The following GATA4 variants were observed in gnomAD, a reference collection of about 807,000 sequenced individuals.
GATA4 encodes transcription factor GATA-4.
In GATA4, 7 loss-of-function variants were observed where a neutral mutation model predicts 37.9. That is an observed-to-expected ratio of 0.18 (90% CI 0.11 to 0.35). GATA4 has a LOEUF of 0.35. Among genes scored for constraint, GATA4 ranks in the 10% least tolerant of loss-of-function variants. The probability of loss-of-function intolerance (pLI) is 1.00; values close to 1 mark genes in which losing one functional copy is unlikely to be tolerated. For missense variants in GATA4, 647 were observed against 653.0 expected, an observed-to-expected ratio of 0.99 and a Z score of 0.10; for synonymous variants, 372 against 292.6, an observed-to-expected ratio of 1.27 and a Z score of -2.77.
chr8:11,757,491 G>A (rs1253089220), intron 6 of GATA4, among the ~76,000 whole-genome samples: 4 of 152,244 alleles, frequency 2.6e-5, no homozygotes, highest in African/African-American at 9.6e-5. Context: ...GCGTGGTTGC[G>A]CTGTCGGAGG....
In GATA4 at chr8:11,708,632, G is replaced by A; in HGVS notation, c.320G>A (p.Arg107His). 1 of 1,338,500 alleles carries A rather than the reference G, an allele frequency of 7.5e-7. No individual in the cohort carries two copies. 82.9% of individuals were successfully genotyped at this position (1,338,500 alleles called of 1,614,324 possible). A position where few individuals can be genotyped will look rare whatever the true frequency, so the allele number is the denominator to read the frequency against. The change falls in exon 2 of 7, where the codon CGC (arginine) becomes CAC (histidine). Residue 107 changes from arginine to histidine, a missense_variant. Arg to His is a conservative substitution (Grantham distance 29, BLOSUM62 0). Transcript: ENST00000532059. This position sits in a 1 kb window ranked among gnomAD's most constrained non-coding sequence, Gnocchi z 6.7. ...TACACCCCGCCGCCGGTGTCGCCGC[G>A]CTTCTCCTTCCCGGGGACCACCGGG... ...AAYTPPPVSP[R>H]FSFPGTTGSL...
At chr8:11,730,003 G>T (rs1417760278) in intron 2 of GATA4, among the ~76,000 whole-genome samples, 1 of 152,082 alleles carries the variant, frequency 6.6e-6, no homozygotes, top group African/African-American at 2.4e-5. Context: ...ATGGCTCACT[G>T]CAGTCTTTAC....
At position 11,709,584 on chromosome 8, in the gene GATA4, G is replaced by GAGGGGGGA. The variant is rs1041409520; in HGVS notation, c.616+656_616+657insAGGGGGGA. Among the ~76,000 whole-genome samples the GAGGGGGGA allele has an allele frequency of 6.6e-6, 1 of 151,862 alleles. No homozygotes were observed. Among genetic ancestry groups the GAGGGGGGA allele is most frequent in the African/African-American group, 2.4e-5 (1 of 41,378 alleles). ...CGCATCATGCGGGCAGCGGGGGGGG[G>GAGGGGGGA]GGCGCACACGCCCGGTCAGTGTCCG... On this transcript the variant is annotated intron_variant, in intron 2 of 6. Transcript: ENST00000532059. The surrounding 1 kb of genome is among the most constrained non-coding windows in gnomAD (Gnocchi z 4.3).
At chr8:11,681,473 G>A (rs1018163054) in intron 1 of GATA4, 1 of 941,106 alleles carries the variant, frequency 1.1e-6, no homozygotes, top group Non-Finnish European at 1.2e-6. Context: ...CCCGGTCCCC[G>A]CGCGGGGTGC....
intron 5 of GATA4, 74 bp downstream of exon 5, chr8:11,755,207 G>A (rs956812431): frequency 4.6e-5 from 59 of 1,285,936 alleles, no homozygotes; most frequent in East Asian, 7.1e-5. Context: ...CATATCTTCC[G>A]GGTTAGGCAG....
chr8:11,685,099 T>G (rs1401542849), intron 1 of GATA4, among the ~76,000 whole-genome samples: 11 of 152,148 alleles, frequency 7.2e-5, no homozygotes, highest in Admixed American at 7.2e-4. Flanking sequence ...CATTATGAAT[T>G]GAGGTGAAAA....
chr8:11,694,119 T>G (rs1297659078), intron 1 of GATA4, among the ~76,000 whole-genome samples: 1 of 152,234 alleles, frequency 6.6e-6, no homozygotes, highest in Non-Finnish European at 1.5e-5. Context: ...TGCTCCTGTC[T>G]GCAGGACGCT....
chr8:11,722,363 T>C (rs890903260), intron 2 of GATA4, among the ~76,000 whole-genome samples: 1 of 152,208 alleles, frequency 6.6e-6, no homozygotes, highest in African/African-American at 2.4e-5. Flanking sequence ...GTACGAGGAC[T>C]CTTTTATTTT....
chr8:11,693,554 CACACACACAGAG>C lies in GATA4; in HGVS notation c.-729+896_-729+907del, dbSNP rs1174209879. On this transcript the variant is annotated intron_variant, in intron 1 of 2. Coordinates refer to the GATA4 transcript ENST00000526974. ...ACACACACACACACACACACACACA[CACACACACAGAG>C]AGAGAGAGAGAGAGAGAGAGAGAGA... 8.1e-3 allele frequency among the ~76,000 whole-genome samples: 918 copies of C among 113,202 alleles called. 2 individuals carry two copies. Among genetic ancestry groups the C allele is most frequent in the East Asian group, 0.03 (90 of 2,976 alleles). The allele number at this position is 113,202 out of a possible 152,430, so 74.3% of individuals were successfully genotyped here.
chr8:11,708,293 G>T lies in GATA4; in HGVS notation c.-20G>T. 1 of 1,569,156 alleles carries T rather than the reference G, an allele frequency of 6.4e-7. No individual in the cohort carries two copies. Among genetic ancestry groups the T allele is most frequent in the Non-Finnish European group, 8.6e-7 (1 of 1,164,608 alleles). On this transcript the variant is annotated 5_prime_UTR_variant, in exon 2 of 7. Coordinates refer to ENST00000532059, the MANE Select transcript of GATA4 (RefSeq NM_001308093.3). The surrounding 1 kb of genome is among the most constrained non-coding windows in gnomAD (Gnocchi z 6.7). ...TGCGAGGGAGAGAGAGGACACCGAA[G>T]CCGGGAGCTCGCAGGGACCATGTAT...
At chr8:11,753,200 A>G (rs967225899) in intron 4 of GATA4, among the ~76,000 whole-genome samples, 6 of 152,224 alleles carry the variant, frequency 3.9e-5, no homozygotes, top group African/African-American at 1.4e-4. Context: ...TGTGATATAC[A>G]TACACGTAGG....
Position 11,680,788 on chromosome 8 carries a change from G to T in GATA4, c.-274+3725G>T, listed in dbSNP as rs927796330. 3.0e-6 allele frequency: 3 copies of T among 985,188 alleles called. No homozygotes were observed. The African/African-American group carries it at 5.2e-5, about 17-fold the overall frequency. The allele number at this position is 985,188 out of a possible 1,614,324, so 61.0% of individuals were successfully genotyped here. A position where few individuals can be genotyped will look rare whatever the true frequency, so the allele number is the denominator to read the frequency against. On this transcript the variant is annotated intron_variant, in intron 1 of 6. Transcript: ENST00000528712. ...CTCTCCAGATGCGAGGTGCTCACCC[G>T]CCCCTCGCCCTGCTCACCCCGACGC... is the stretch of plus-strand genomic sequence containing the variant.
upstream of GATA4, chr8:11,692,069 T>C (rs1799330306): frequency 1.0e-6 from 1 of 985,158 alleles, no homozygotes. Flanking sequence ...TGGCCGTGGG[T>C]GCTTTCCGTA....
intron 2 of GATA4, among the ~76,000 whole-genome samples, chr8:11,712,708 A>AAT (rs1800247907): frequency 6.6e-6 from 1 of 151,340 alleles, no homozygotes; most frequent in African/African-American, 2.4e-5. Context: ...AAAAAAAAAA[A>AAT]AAATTAACTG....
chr8:11,736,639 G>A (rs1300903680), intron 2 of GATA4, among the ~76,000 whole-genome samples: 3 of 152,230 alleles, frequency 2.0e-5, no homozygotes, highest in Admixed American at 6.5e-5. Context: ...GGCAGAAGGC[G>A]GAGCCACCCT....
chr8:11,724,269 T>A (rs1020426091), intron 2 of GATA4, among the ~76,000 whole-genome samples: 4 of 152,188 alleles, frequency 2.6e-5, no homozygotes, highest in Non-Finnish European at 4.4e-5. Flanking sequence ...ATGCCGCCAT[T>A]TTTACATGGG....
chr8:11,750,554 G>A (rs1364210211), intron 4 of GATA4, among the ~76,000 whole-genome samples: 2 of 152,134 alleles, frequency 1.3e-5, no homozygotes, highest in East Asian at 3.8e-4. Context: ...GAAAACAGAA[G>A]GAAAGCATGA....
At chr8:11,702,856 C>T (rs1161147777), upstream of GATA4, among the ~76,000 whole-genome samples, 2 of 152,226 alleles carry the variant, frequency 1.3e-5, no homozygotes, top group Non-Finnish European at 2.9e-5. This position sits in a 1 kb window ranked among gnomAD's most constrained non-coding sequence, Gnocchi z 4.4. Context: ...AACCTCCGCA[C>T]CTCTCATTCA....
At position 11,697,889 on chromosome 8, in the gene GATA4, G is replaced by C. The variant is rs56936550; in HGVS notation, c.-728-2619G>C. ...GCGGAAACGGGCCGAGCTGGCTCAG[G>C]GAATGCCAGATCTCTGGGGGACCCA... On this transcript the variant is annotated intron_variant, in intron 1 of 2. Coordinates refer to the GATA4 transcript ENST00000526974. 6.3e-3 allele frequency: 6,172 copies of C among 985,482 alleles called. 163 individuals carry two copies. The South Asian group carries it at 0.083, about 13-fold the overall frequency. The allele number at this position is 985,482 out of a possible 1,614,324, so 61.0% of individuals were successfully genotyped here.
Sources: allele counts gnomAD v4.1 joint callset (sites outside exome capture counted in the v4.1 genomes callset), GRCh38; gene constraint gnomAD v4.1.1; non-coding constraint Gnocchi (gnomAD v3.1); transcripts MANE v1.5; gene names NCBI Gene and HGNC (gene_info 2026-07-23, HGNC 2026-07-21).